Variants in CHD8 observed in about 807,000 individuals in gnomAD.
CHD8 encodes the protein ATP-dependent chromatin remodeler CHD8.
In CHD8, 31 loss-of-function variants were observed where a neutral mutation model predicts 279.2. The ratio of observed to expected loss-of-function variants is 0.11; its 90% CI spans 0.08 to 0.15. The LOEUF (loss-of-function observed/expected upper bound fraction) is 0.15. CHD8 is among the 10% of genes least tolerant of loss of function. CHD8 has a pLI of 1.00. For synonymous variants in CHD8, 1,081 were observed against 1,139.6 expected (o/e 0.95, Z 1.04); for missense variants, 2,146 against 3,230.5 (o/e 0.66, Z 8.14).
Position 21,431,977 on chromosome 14 carries a change from G to C in CHD8, c.-215-119C>G. The C allele has an allele frequency of 7.7e-6, 5 of 653,184 alleles. No homozygotes were observed. The South Asian group carries it at 8.9e-5, about 12-fold the overall frequency. 40.5% of individuals were successfully genotyped at this position (653,184 alleles called of 1,614,324 possible). A position where few individuals can be genotyped will look rare whatever the true frequency, so the allele number is the denominator to read the frequency against. On this transcript the variant is annotated intron_variant, in intron 1 of 37. Transcript: ENST00000646647. ...TAGCATGAATATAAGAGGGAAATGT[G>C]AGGAAATCTGAGGACGGACATACAG...
chr14:21,446,473 G>A (rs753699681), intron 1 of CHD8, among the ~76,000 whole-genome samples: 1 of 151,958 alleles, frequency 6.6e-6, no homozygotes, highest in East Asian at 1.9e-4. Context: ...CACCACACTC[G>A]GCTAGTTTTG....
Position 21,441,876 on chromosome 14 carries a change from G to A in CHD8, c.-215-10018C>T, listed in dbSNP as rs189878292. On this transcript the variant is annotated intron_variant, in intron 1 of 37. Coordinates refer to ENST00000646647, the MANE Select transcript of CHD8 (RefSeq NM_001170629.2). ...TGCACTCCAGCCTGGGTGACAGAGC[G>A]AGACTCCACCTCAAAAACAAACAAA... Among the ~76,000 whole-genome samples, 13 of 146,628 alleles carry A rather than the reference G, an allele frequency of 8.9e-5. No homozygotes were observed. In the South Asian group the frequency reaches 9.1e-4, roughly 10 times the overall value.
At chr14:21,401,358 A>C in intron 21 of CHD8, 45 bp downstream of exon 21, 1 of 1,136,728 alleles carries the variant, frequency 8.8e-7, no homozygotes. Context: ...TCCCGAAAGT[A>C]GTGTGGTCTT....
At chr14:21,417,248 G>C (rs755365810) in intron 5 of CHD8, among the ~76,000 whole-genome samples, 4 of 152,116 alleles carry the variant, frequency 2.6e-5, no homozygotes, top group Non-Finnish European at 4.4e-5. Context: ...AACACCCTTT[G>C]AACCTATCAA....
intron 37 of CHD8, among the ~76,000 whole-genome samples, chr14:21,390,248 A>G (rs563936246): frequency 6.6e-6 from 1 of 152,224 alleles, no homozygotes; most frequent in African/African-American, 2.4e-5. Flanking sequence ...AAAAACAGAA[A>G]ACTTAAGAAA....
At chr14:21,395,915 G>T in intron 27 of CHD8, 23 bp from the exon 28 acceptor site, 2 of 1,515,256 alleles carry the variant, frequency 1.3e-6, no homozygotes, top group Non-Finnish European at 1.8e-6. Flanking sequence ...AGAGGCACAA[G>T]AAAATGTTAA....
Position 21,385,928 on chromosome 14 carries a change from C to T in CHD8, c.7431G>A (p.Met2477Ile), listed in dbSNP as rs375405457. ...SASLPFMPFVMGGAPSSPHVD... is the reference protein window; with the variant it reads ...SASLPFMPFVIGGAPSSPHVD... ...CATGAGGGGATGATGGTGCACCACC[C>T]ATCACAAATGGCATAAAAGGCAAAG... The change falls in exon 38 of 38, where the codon ATG becomes ATA. Residue 2477 changes from methionine (M) to isoleucine (I), a missense_variant. Met to Ile is a conservative substitution (Grantham distance 10, BLOSUM62 1). Coordinates refer to ENST00000646647, the MANE Select transcript of CHD8 (RefSeq NM_001170629.2). 1.6e-4 allele frequency: 248 copies of T among 1,553,494 alleles called. 1 individual carries two copies. Among genetic ancestry groups the T allele is most frequent in the Non-Finnish European group, 1.5e-4 (169 of 1,147,968 alleles).
chr14:21,392,407 T>G (rs1238307287), intron 34 of CHD8, 100 bp downstream of exon 34: 25 of 1,173,140 alleles, frequency 2.1e-5, no homozygotes, highest in Non-Finnish European at 2.9e-5. Flanking sequence ...ATTTTTAAAA[T>G]TAGCTAACCA....
chr14:21,421,865 T>C (rs555490025), intron 5 of CHD8, among the ~76,000 whole-genome samples: 1 of 152,322 alleles, frequency 6.6e-6, no homozygotes, highest in African/African-American at 2.4e-5. Flanking sequence ...ATCTGACTAA[T>C]GTTCTTACAG....
chr14:21,428,912 T>G, intron 3 of CHD8, 52 bp downstream of exon 3: 1 of 1,583,094 alleles, frequency 6.3e-7, no homozygotes, highest in Non-Finnish European at 8.6e-7. Flanking sequence ...GCAACAGCAA[T>G]GGACTAAGTA....
chr14:21,422,628 T>C (rs1889096717), intron 5 of CHD8, among the ~76,000 whole-genome samples: 1 of 152,188 alleles, frequency 6.6e-6, no homozygotes, highest in Non-Finnish European at 1.5e-5. Flanking sequence ...TAATTTATTT[T>C]AATAAAAAAA....
chr14:21,393,775 T>G lies in CHD8; in HGVS notation c.6020A>C (p.Lys2007Thr), dbSNP rs1489904954. Residue 2007 changes from lysine (K) to threonine (T), a missense_variant, in exon 32 of 38, where the codon AAG becomes ACG. Coordinates refer to ENST00000646647, the MANE Select transcript of CHD8 (RefSeq NM_001170629.2). ...LPLRPDAPVE[K>T]SPEETATQVP... ...CTGGGTAGCTGTCTCCTCGGGTGAC[T>G]TTTCAACAGGAGCATCTGGGCGCAG... The G allele has an allele frequency of 6.2e-7, 1 of 1,613,894 alleles. No individual in the cohort carries two copies. The highest frequency in any genetic ancestry group is 1.1e-5 in the South Asian group (1 of 91,072).
Position 21,385,587 on chromosome 14 carries a change from C to T in CHD8, c.*26G>A. On this transcript the variant is annotated 3_prime_UTR_variant, in exon 38 of 38. Transcript: ENST00000646647. ...AGTAAATGAAAATACAGCAGCCGCC[C>T]AAGCAATGGGGCCCATGCTGGGGCT... The T allele has an allele frequency of 6.5e-7, 1 of 1,539,690 alleles. No individual in the cohort carries two copies. The highest frequency in any genetic ancestry group is 8.8e-7 in the Non-Finnish European group (1 of 1,140,464).
chr14:21,427,787 T>G (rs1473257471), intron 4 of CHD8, 82 bp downstream of exon 4: 15 of 1,539,826 alleles, frequency 9.7e-6, no homozygotes, highest in Non-Finnish European at 1.3e-5. Context: ...TGCTCTGCCC[T>G]CAAATGTACC....
chr14:21,439,159 G>C (rs1889894313), intron 1 of CHD8, among the ~76,000 whole-genome samples: 1 of 152,076 alleles, frequency 6.6e-6, no homozygotes, highest in Admixed American at 6.5e-5. Flanking sequence ...CTTATCTCCT[G>C]ACCATTAGTT....
Position 21,403,342 on chromosome 14 carries a change from T to C in CHD8, c.3518+111A>G. The C allele has an allele frequency of 7.9e-7, 1 of 1,267,508 alleles. No individual in the cohort carries two copies. Among genetic ancestry groups the C allele is most frequent in the Non-Finnish European group, 1.1e-6 (1 of 911,846 alleles). The allele number at this position is 1,267,508 out of a possible 1,614,324, so 78.5% of individuals were successfully genotyped here. A position where few individuals can be genotyped will look rare whatever the true frequency, so the allele number is the denominator to read the frequency against. On this transcript the variant is annotated intron_variant, in intron 17 of 37. Coordinates refer to ENST00000646647, the MANE Select transcript of CHD8 (RefSeq NM_001170629.2). This position sits in a 1 kb window ranked among gnomAD's most constrained non-coding sequence, Gnocchi z 4.3. ...AAACCCAAGTTGAGAGTGAGAATCT[T>C]AAAAACTTCTCTTATTGCAATTGGT...
At position 21,393,157 on chromosome 14, in the gene CHD8, G is replaced by C; in HGVS notation, c.6417C>G (p.Thr2139=). The part of the protein sequence containing the change: ...GFPNEDGEQM[T]PELLLLQERQ... ...TTTCCTGCAGTAGCAGAAGCTCAGGGGTCATTTGTTCTCCATCTTCATTTG... is the reference window on the plus strand; with the variant it reads ...TTTCCTGCAGTAGCAGAAGCTCAGGCGTCATTTGTTCTCCATCTTCATTTG... The change falls in exon 33 of 38, where the codon ACC becomes ACG. Residue 2139 remains threonine (T), a synonymous_variant. Coordinates refer to ENST00000646647, the MANE Select transcript of CHD8 (RefSeq NM_001170629.2). 1 of 1,613,910 alleles carries C rather than the reference G, an allele frequency of 6.2e-7. No homozygotes were observed.
rs10131647 is a variant in CHD8 at position 21,418,191 on chromosome 14, G to A, written c.1717-2284C>T. On this transcript the variant is annotated intron_variant, in intron 5 of 37. Transcript: ENST00000646647. ...ACAACAAAAAATTATGCTGAAAGAAGTGAGACCCAAAAGTACATACTGTAT... is the reference window on the plus strand; with the variant it reads ...ACAACAAAAAATTATGCTGAAAGAAATGAGACCCAAAAGTACATACTGTAT... Among the ~76,000 whole-genome samples, 542 of 152,160 alleles carry A rather than the reference G, an allele frequency of 3.6e-3. 1 individual carries two copies. The highest frequency in any genetic ancestry group is 0.013 in the African/African-American group (525 of 41,504).
In CHD8 at chr14:21,393,770, G is replaced by C; in HGVS notation, c.6025C>G (p.Pro2009Ala). 6.2e-7 allele frequency: 1 copy of C among 1,613,960 alleles called. No homozygotes were observed. The highest frequency in any genetic ancestry group is 8.5e-7 in the Non-Finnish European group (1 of 1,179,864). Reference sequence around the variant, plus strand: ...GGGACCTGGGTAGCTGTCTCCTCGGGTGACTTTTCAACAGGAGCATCTGGG... The same window carrying C: ...GGGACCTGGGTAGCTGTCTCCTCGGCTGACTTTTCAACAGGAGCATCTGGG... ...LRPDAPVEKS[P>A]EETATQVPSL... is the part of the protein sequence containing the mutation. Residue 2009 changes from proline to alanine, a missense_variant, in exon 32 of 38, where the codon CCC becomes GCC. This residue lies in a region of CHD8 where 513 missense variants were observed against 637.6 expected (regional missense o/e 0.80). Transcript: ENST00000646647.
Sources: allele counts gnomAD v4.1 joint callset (sites outside exome capture counted in the v4.1 genomes callset), GRCh38; gene constraint gnomAD v4.1.1; regional missense constraint gnomAD v4.1.1; non-coding constraint Gnocchi (gnomAD v3.1); transcripts MANE v1.5; gene names NCBI Gene and HGNC (gene_info 2026-07-23, HGNC 2026-07-21).